The following FOXK1 variants were observed in gnomAD, a reference collection of about 807,000 sequenced individuals.
FOXK1 encodes the protein forkhead box K1.
FOXK1 carries 19 observed loss-of-function variants against 51.9 expected under a neutral mutation model. The observed-to-expected ratio is 0.37, with a 90% confidence interval of 0.26 to 0.54. FOXK1 has a LOEUF of 0.54. Ranked by LOEUF, FOXK1 falls within the 20% of genes least tolerant of loss-of-function variation. The pLI, the probability that FOXK1 is intolerant of heterozygous loss-of-function variation, is 0.87. For missense variants in FOXK1, 870 were observed against 1,032.7 expected (o/e 0.84, Z 2.16); for synonymous variants, 537 against 482.6 (o/e 1.11, Z -1.48).
Position 4,761,810 on chromosome 7 carries a change from G to A in FOXK1, c.1922-374G>A, listed in dbSNP as rs1780935867. 6.6e-6 allele frequency among the ~76,000 whole-genome samples: 1 copy of A among 152,194 alleles called. No homozygotes were observed. Among genetic ancestry groups the A allele is most frequent in the Non-Finnish European group, 1.5e-5 (1 of 68,038 alleles). ...GCAAGAGGTCAAAGGAAGGAGGAGA[G>A]TTGGGGTGCTGGGGTGCAAGGGTGC... On this transcript the variant is annotated intron_variant, in intron 8 of 8. Coordinates refer to ENST00000328914, the MANE Select transcript of FOXK1 (RefSeq NM_001037165.2). This position sits in a 1 kb window ranked among gnomAD's most constrained non-coding sequence, Gnocchi z 6.2.
intron 1 of FOXK1, among the ~76,000 whole-genome samples, chr7:4,705,552 T>TCGCTCTCGCTCTCGCTCTCGCTCTCG (rs760518643): frequency 3.5e-5 from 5 of 143,582 alleles, no homozygotes; most frequent in African/African-American, 8.1e-5. Flanking sequence ...TCTCTCTCTC[T>TCGCTCTCGCTCTCGCTCTCGCTCTCG]CTCTCTCGCT....
chr7:4,763,057 TG>T lies in FOXK1; in HGVS notation c.*595del, dbSNP rs1342487715. The T allele has an allele frequency of 6.5e-6, 1 of 154,460 alleles. No homozygotes were observed. The highest frequency in any genetic ancestry group is 1.9e-4 in the East Asian group (1 of 5,210). 9.6% of individuals were successfully genotyped at this position (154,460 alleles called of 1,614,324 possible). Reference sequence around the variant, plus strand: ...AAGTTTTTCTTTGTTTGTTTAAACATGGAATTCAGACTTCATTGTACACCTG... The same window carrying T: ...AAGTTTTTCTTTGTTTGTTTAAACATGAATTCAGACTTCATTGTACACCTG... On this transcript the variant is annotated 3_prime_UTR_variant, in exon 9 of 9. Transcript: ENST00000328914.
intron 1 of FOXK1, among the ~76,000 whole-genome samples, chr7:4,737,362 G>A (rs1016782353): frequency 6.6e-5 from 10 of 152,214 alleles, no homozygotes; most frequent in African/African-American, 2.4e-4. Context: ...AAGGGCCATA[G>A]AAGCTATCTT....
Position 4,734,853 on chromosome 7 carries a change from C to T in FOXK1, c.561-5985C>T, listed in dbSNP as rs910334411. On this transcript the variant is annotated intron_variant, in intron 1 of 8. Transcript: ENST00000328914. This position sits in a 1 kb window ranked among gnomAD's most constrained non-coding sequence, Gnocchi z 5.2. ...CATCCAGAAAGTAAACCCGTCCTTC[C>T]GCTGGGAGAGACGGGGCGAGGGGAC... Among the ~76,000 whole-genome samples the T allele has an allele frequency of 3.9e-5, 6 of 152,300 alleles. No individual in the cohort carries two copies. The highest frequency in any genetic ancestry group is 1.9e-4 in the East Asian group (1 of 5,180).
At chr7:4,692,829 C>G (rs576366505) in intron 1 of FOXK1, among the ~76,000 whole-genome samples, 9 of 152,046 alleles carry the variant, frequency 5.9e-5, no homozygotes, top group African/African-American at 1.9e-4. Context: ...TGGGCTCAAG[C>G]AGTCCTCCTG....
intron 2 of FOXK1, among the ~76,000 whole-genome samples, chr7:4,750,446 T>A (rs1265618707): frequency 1.4e-5 from 2 of 142,194 alleles, no homozygotes; most frequent in Middle Eastern, 3.7e-3. Flanking sequence ...TTTTCAGCAC[T>A]TTTTTTTTTT....
rs1554249279 is a variant in FOXK1, at chr7:4,705,552, T to TCTCGCTCTCG, written c.560+22687_560+22688insGCTCTCGCTC. Among the ~76,000 whole-genome samples the TCTCGCTCTCG allele has an allele frequency of 4.3e-3, 619 of 143,616 alleles. 2 individuals are homozygous for TCTCGCTCTCG. Among genetic ancestry groups the TCTCGCTCTCG allele is most frequent in the African/African-American group, 9.3e-3 (344 of 37,184 alleles). The allele number at this position is 143,616 out of a possible 152,430, so 94.2% of individuals were successfully genotyped here. On this transcript the variant is annotated intron_variant, in intron 1 of 8. Coordinates refer to ENST00000328914, the MANE Select transcript of FOXK1 (RefSeq NM_001037165.2). ...CTCTCTCTCTCTCTCTCTCTCTCTC[T>TCTCGCTCTCG]CTCTCTCGCTCTCGCTCTCTCGTCG...
At chr7:4,760,622 A>G (rs942657886) in intron 7 of FOXK1, among the ~76,000 whole-genome samples, 14 of 152,218 alleles carry the variant, frequency 9.2e-5, no homozygotes, top group Admixed American at 3.9e-4. Flanking sequence ...AGGCTGAGGC[A>G]GGCAGATCAC....
At chr7:4,740,019 G>C (rs1267331292) in intron 1 of FOXK1, among the ~76,000 whole-genome samples, 2 of 152,222 alleles carry the variant, frequency 1.3e-5, no homozygotes, top group Non-Finnish European at 2.9e-5. Flanking sequence ...TGACGGCTGG[G>C]CACAATGGCT....
chr7:4,697,881 G>A (rs1269997094), intron 1 of FOXK1, among the ~76,000 whole-genome samples: 2 of 151,820 alleles, frequency 1.3e-5, no homozygotes, highest in Non-Finnish European at 1.5e-5. Context: ...CTGGAGTGCA[G>A]TGGCGTGATC....
chr7:4,762,826 G>A lies in FOXK1; in HGVS notation c.*362G>A, dbSNP rs562919895. The A allele has an allele frequency of 1.8e-5, 4 of 218,900 alleles. No individual in the cohort carries two copies. Among genetic ancestry groups the A allele is most frequent in the East Asian group, 2.1e-4 (2 of 9,490 alleles). The allele number at this position is 218,900 out of a possible 1,614,324, so 13.6% of individuals were successfully genotyped here. ...ACAGCCCCTCCGCTCCGCGCTGCACGGCCAGCCGCCTTTGTCCGGGAGGAC... is the reference window on the plus strand; with the variant it reads ...ACAGCCCCTCCGCTCCGCGCTGCACAGCCAGCCGCCTTTGTCCGGGAGGAC... On this transcript the variant is annotated 3_prime_UTR_variant, in exon 9 of 9. Transcript: ENST00000328914. The surrounding 1 kb of genome is among the most constrained non-coding windows in gnomAD (Gnocchi z 5.7).
chr7:4,689,374 G>T (rs1779864435), intron 1 of FOXK1, among the ~76,000 whole-genome samples: 1 of 152,194 alleles, frequency 6.6e-6, no homozygotes. Context: ...TGAGTGGCAG[G>T]TGTTATGGAT....
intron 1 of FOXK1, among the ~76,000 whole-genome samples, chr7:4,685,469 T>C (rs1247769914): frequency 6.6e-6 from 1 of 151,796 alleles, no homozygotes; most frequent in Non-Finnish European, 1.5e-5. Flanking sequence ...CTGCCTTAGC[T>C]TCCCAAAGTG....
At position 4,761,433 on chromosome 7, in the gene FOXK1, G is replaced by T. The variant is rs1036807501; in HGVS notation, c.1921+145G>T. 3.3e-6 allele frequency: 3 copies of T among 895,780 alleles called. No individual in the cohort carries two copies. The highest frequency in any genetic ancestry group is 1.7e-5 in the African/African-American group (1 of 60,028). The allele number at this position is 895,780 out of a possible 1,614,324, so 55.5% of individuals were successfully genotyped here. A position where few individuals can be genotyped will look rare whatever the true frequency, so the allele number is the denominator to read the frequency against. ...GCACCTGCTATACTCCAGGCACTGG[G>T]GTAATGCAAAGAAAAAGAGGGTGGA... On this transcript the variant is annotated intron_variant, in intron 8 of 8. Coordinates refer to ENST00000328914, the MANE Select transcript of FOXK1 (RefSeq NM_001037165.2). This position sits in a 1 kb window ranked among gnomAD's most constrained non-coding sequence, Gnocchi z 6.2.
At chr7:4,692,222 C>T (rs1779901882) in intron 1 of FOXK1, among the ~76,000 whole-genome samples, 1 of 152,146 alleles carries the variant, frequency 6.6e-6, no homozygotes, top group Non-Finnish European at 1.5e-5. Context: ...CAGCTGGAAT[C>T]CATGGCTGCC....
In FOXK1 at chr7:4,682,976, C is replaced by A; in HGVS notation, c.560+108C>A. ...CCTCCAGCTTCCTCGGCCTCGACCC[C>A]CACCCCCCGGCCCACCCCCGGTAAC... On this transcript the variant is annotated intron_variant, in intron 1 of 8. Coordinates refer to ENST00000328914, the MANE Select transcript of FOXK1 (RefSeq NM_001037165.2). The surrounding 1 kb of genome is among the most constrained non-coding windows in gnomAD (Gnocchi z 7.6). 8.4e-7 allele frequency: 1 copy of A among 1,189,968 alleles called. No individual in the cohort carries two copies. The highest frequency in any genetic ancestry group is 1.7e-5 in the South Asian group (1 of 58,098). 73.7% of individuals were successfully genotyped at this position (1,189,968 alleles called of 1,614,324 possible).
chr7:4,740,303 G>A (rs924007634), intron 1 of FOXK1, among the ~76,000 whole-genome samples: 28 of 152,168 alleles, frequency 1.8e-4, no homozygotes, highest in African/African-American at 2.9e-4. Flanking sequence ...GGTGGCGGGC[G>A]CCTGTAGTCC....
Position 4,755,070 on chromosome 7 carries a change from A to T in FOXK1, c.904-167A>T. The T allele has an allele frequency of 1.3e-6, 1 of 768,962 alleles. No homozygotes were observed. Among genetic ancestry groups the T allele is most frequent in the Non-Finnish European group, 2.0e-6 (1 of 499,896 alleles). 47.6% of individuals were successfully genotyped at this position (768,962 alleles called of 1,614,324 possible). A position where few individuals can be genotyped will look rare whatever the true frequency, so the allele number is the denominator to read the frequency against. ...CCATGAGGCAAAAATGGTTGTTCCT[A>T]GTTGAATGCAAGCACATTAATGGGA... is the stretch of plus-strand genomic sequence containing the variant. On this transcript the variant is annotated intron_variant, in intron 3 of 8. Transcript: ENST00000328914. This position sits in a 1 kb window ranked among gnomAD's most constrained non-coding sequence, Gnocchi z 6.6.
At position 4,734,504 on chromosome 7, in the gene FOXK1, C is replaced by T. The variant is rs1780525186; in HGVS notation, c.561-6334C>T. ...ACTCCTTTGCCTCAGTCCCTGTCTT[C>T]CTTGATGGGGGCATTCCCCAAGTGT... On this transcript the variant is annotated intron_variant, in intron 1 of 8. Coordinates refer to ENST00000328914, the MANE Select transcript of FOXK1 (RefSeq NM_001037165.2). The surrounding 1 kb of genome is among the most constrained non-coding windows in gnomAD (Gnocchi z 5.2). Among the ~76,000 whole-genome samples the T allele has an allele frequency of 2.6e-5, 4 of 152,326 alleles. No individual in the cohort carries two copies. Among genetic ancestry groups the T allele is most frequent in the Admixed American group, 2.6e-4 (4 of 15,308 alleles).
Sources: allele counts gnomAD v4.1 joint callset (sites outside exome capture counted in the v4.1 genomes callset), GRCh38; gene constraint gnomAD v4.1.1; non-coding constraint Gnocchi (gnomAD v3.1); transcripts MANE v1.5; gene names NCBI Gene and HGNC (gene_info 2026-07-23, HGNC 2026-07-21).